TMEM74: variants seen among roughly 807,000 people sequenced by gnomAD.
TMEM74 encodes the protein transmembrane protein 74.
Under a neutral mutation model 18.1 loss-of-function variants are expected in TMEM74, and 13 were observed. The ratio of observed to expected loss-of-function variants is 0.72; its 90% CI spans 0.47 to 1.14. The LOEUF (loss-of-function observed/expected upper bound fraction) is 1.14, where lower values mean the gene tolerates loss of function less well. TMEM74 is among the 50% of genes most tolerant of loss of function. TMEM74 has a pLI of 0.00. For missense variants in TMEM74, 372 were observed against 375.9 expected, an observed-to-expected ratio of 0.99 and a Z score of 0.09; for synonymous variants, 159 against 146.6, an observed-to-expected ratio of 1.08 and a Z score of -0.61.
At chr8:108,608,827 C>T (rs1812305146) in intron 2 of TMEM74, 1 of 152,076 alleles carries the variant, frequency 6.6e-6, no homozygotes, top group Admixed American at 6.6e-5. Context: ...TGAAACATTA[C>T]TGGATATGGA....
At chr8:108,730,159 T>G (rs925378980) in intron 1 of TMEM74, among the ~76,000 whole-genome samples, 1 of 152,188 alleles carries the variant, frequency 6.6e-6, no homozygotes, top group Non-Finnish European at 1.5e-5. Flanking sequence ...GTAACTTAAC[T>G]TTTCAAGGTC....
chr8:108,663,451 T>C (rs1652783855), intron 1 of TMEM74, among the ~76,000 whole-genome samples: 1 of 151,988 alleles, frequency 6.6e-6, no homozygotes, highest in African/African-American at 2.4e-5. Flanking sequence ...TACTAAAAAG[T>C]CAAGAAACAA....
intron 1 of TMEM74, among the ~76,000 whole-genome samples, chr8:108,697,559 A>G (rs1813292323): frequency 6.6e-6 from 1 of 152,094 alleles, no homozygotes; most frequent in African/African-American, 2.4e-5. Flanking sequence ...CTGGGACCAC[A>G]GGCTCATGCC....
At chr8:108,614,761 A>G (rs1177080929) in intron 2 of TMEM74, among the ~76,000 whole-genome samples, 2 of 152,198 alleles carry the variant, frequency 1.3e-5, no homozygotes, top group Non-Finnish European at 2.9e-5. Context: ...ATTGAGTGTT[A>G]CATTTACTTC....
chr8:108,728,110 G>T (rs1055408960), intron 1 of TMEM74, among the ~76,000 whole-genome samples: 2 of 152,130 alleles, frequency 1.3e-5, no homozygotes, highest in African/African-American at 2.4e-5. Context: ...AGGGATAATT[G>T]GAAATAATTA....
chr8:108,782,118 G>A lies in TMEM74; in HGVS notation c.*2063C>T, dbSNP rs1284606166. Among the ~76,000 whole-genome samples, 2 of 151,824 alleles carry A rather than the reference G, an allele frequency of 1.3e-5. No individual in the cohort carries two copies. The highest frequency in any genetic ancestry group is 4.8e-5 in the African/African-American group (2 of 41,352). On this transcript the variant is annotated 3_prime_UTR_variant, in exon 2 of 2. Coordinates refer to ENST00000297459, the MANE Select transcript of TMEM74 (RefSeq NM_153015.3). ...CCTTCTTTTTTTAACACACAGCTCA[G>A]ACCTACTCACTCAGCAGATCGTTTC... is the stretch of plus-strand genomic sequence containing the variant.
downstream of TMEM74, among the ~76,000 whole-genome samples, chr8:108,774,756 AT>A (rs71305916): frequency 0.32 from 38,410 of 121,132 alleles, 5,325 homozygotes; most frequent in East Asian, 0.36. Flanking sequence ...CCTTCCTTTA[AT>A]TTTTTTTTTT....
intron 1 of TMEM74, among the ~76,000 whole-genome samples, chr8:108,785,537 C>T (rs779830642): frequency 2.6e-5 from 4 of 152,112 alleles, no homozygotes; most frequent in Non-Finnish European, 5.9e-5. Context: ...GCAGAGCTGC[C>T]GATTTTCTGG....
chr8:108,612,778 C>T (rs1463145199), intron 2 of TMEM74, among the ~76,000 whole-genome samples: 2 of 152,224 alleles, frequency 1.3e-5, no homozygotes, highest in African/African-American at 4.8e-5. Context: ...GCTCCAGCTG[C>T]ATCCTGGCTC....
intron 1 of TMEM74, among the ~76,000 whole-genome samples, chr8:108,676,357 A>G (rs930322122): frequency 2.6e-5 from 4 of 152,086 alleles, no homozygotes; most frequent in Non-Finnish European, 5.9e-5. Flanking sequence ...TTCATCTCCT[A>G]TGACTCTGCC....
chr8:108,769,909 T>G (rs549528714), intron 1 of TMEM74, among the ~76,000 whole-genome samples: 25 of 152,164 alleles, frequency 1.6e-4, no homozygotes, highest in African/African-American at 5.8e-4. Context: ...TGTTATCTAT[T>G]AACACTTTTT....
chr8:108,724,807 CTTTA>C (rs1813619549), intron 1 of TMEM74, among the ~76,000 whole-genome samples: 2 of 152,120 alleles, frequency 1.3e-5, no homozygotes, highest in African/African-American at 4.8e-5. Context: ...CTCCCATCTC[CTTTA>C]TTTATTAGCT....
chr8:108,756,798 GAGGAAGGAAGGA>G (rs60134137), intron 1 of TMEM74, among the ~76,000 whole-genome samples: 4 of 123,012 alleles, frequency 3.3e-5, no homozygotes, highest in African/African-American at 9.3e-5. Context: ...GAGGGAAGGG[GAGGAAGGAAGGA>G]AGGAAGGAAG....
intron 2 of TMEM74, among the ~76,000 whole-genome samples, chr8:108,637,406 A>T (rs776863088): frequency 3.3e-5 from 5 of 152,126 alleles, no homozygotes; most frequent in Non-Finnish European, 5.9e-5. Flanking sequence ...GTTATTTTAC[A>T]TTGAAAAAGG....
intron 2 of TMEM74, among the ~76,000 whole-genome samples, chr8:108,627,732 G>T (rs1475195971): frequency 6.6e-6 from 1 of 151,960 alleles, no homozygotes; most frequent in Admixed American, 6.6e-5. Flanking sequence ...ATAGTGAGGG[G>T]AATGATGCTG....
At chr8:108,691,388 T>C (rs912282928) in intron 1 of TMEM74, among the ~76,000 whole-genome samples, 1 of 152,156 alleles carries the variant, frequency 6.6e-6, no homozygotes, top group Admixed American at 6.5e-5. Context: ...GCCCAGAACA[T>C]GTGATCAAAA....
chr8:108,690,694 C>T (rs3019419), intron 1 of TMEM74, among the ~76,000 whole-genome samples: 33,615 of 151,808 alleles, frequency 0.22, 3,799 homozygotes, highest in East Asian at 0.29. Flanking sequence ...TGGTGGCAGG[C>T]GCCTGTAGCC....
At chr8:108,727,643 A>G (rs1393399600) in intron 1 of TMEM74, among the ~76,000 whole-genome samples, 1 of 152,204 alleles carries the variant, frequency 6.6e-6, no homozygotes. Context: ...GCAGTTTGAT[A>G]TGAGCCAGAA....
At chr8:108,712,392 G>GATTTTGATTTTATGAATTTATGTATGA (rs1813483256) in intron 1 of TMEM74, among the ~76,000 whole-genome samples, 1 of 152,098 alleles carries the variant, frequency 6.6e-6, no homozygotes, top group Non-Finnish European at 1.5e-5. Flanking sequence ...AATGTCAGTT[G>GATTTTGATTTTATGAATTTATGTATGA]ATTCATGTAT....
Sources: gnomAD v4.1 joint callset for allele counts (sites outside exome capture counted in the v4.1 genomes callset) on GRCh38, gnomAD v4.1.1 for gene constraint, MANE v1.5 for transcripts, NCBI Gene and HGNC (gene_info 2026-07-23, HGNC 2026-07-21) for gene names.